The following THOC7 variants were observed in gnomAD, a reference collection of about 807,000 sequenced individuals.
The protein encoded by THOC7 is NIF3L1-binding protein 1.
THOC7 carries 22 observed loss-of-function variants against 33.1 expected under a neutral mutation model. The observed-to-expected ratio is 0.66, with a 90% CI of 0.47 to 0.95. The LOEUF (loss-of-function observed/expected upper bound fraction) is 0.95. Ranked by LOEUF, THOC7 falls within the 40% of genes least tolerant of loss-of-function variation. The pLI, the probability that THOC7 is intolerant of heterozygous loss-of-function variation, is 0.00. For missense variants in THOC7, 184 were observed against 245.3 expected (o/e 0.75, Z 1.67); for synonymous variants, 77 against 76.8 (o/e 1.00, Z -0.01).
At chr3:63,840,256 T>C (rs1701729067) in intron 1 of THOC7, among the ~76,000 whole-genome samples, 1 of 152,104 alleles carries the variant, frequency 6.6e-6, no homozygotes, top group Non-Finnish European at 1.5e-5. Flanking sequence ...ACAGGAAATA[T>C]TTAAAAGATG....
intron 1 of THOC7, among the ~76,000 whole-genome samples, chr3:63,840,559 C>A (rs1379789177): frequency 6.6e-6 from 1 of 152,082 alleles, no homozygotes; most frequent in Non-Finnish European, 1.5e-5. Flanking sequence ...CCACTGGACT[C>A]CAGCGCCTAT....
At chr3:63,861,793 GTTT>G in intron 1 of THOC7, 2 of 145,342 alleles carry the variant, frequency 1.4e-5, no homozygotes, top group East Asian at 2.0e-4. Flanking sequence ...GTGTGTGTGT[GTTT>G]TTTTTTTTTT....
At chr3:63,857,126 G>C (rs1702129680) in intron 1 of THOC7, among the ~76,000 whole-genome samples, 1 of 152,170 alleles carries the variant, frequency 6.6e-6, no homozygotes, top group Admixed American at 6.5e-5. Context: ...CAGGAGTCAG[G>C]CTCCAGAGAA....
chr3:63,846,671 A>C (rs763952802), intron 1 of THOC7, among the ~76,000 whole-genome samples: 1 of 152,058 alleles, frequency 6.6e-6, no homozygotes, highest in Non-Finnish European at 1.5e-5. Flanking sequence ...TCGGCCTCCT[A>C]AAGTGCGGGA....
chr3:63,864,189 G>T (rs1469659655), upstream of THOC7, among the ~76,000 whole-genome samples: 5 of 150,972 alleles, frequency 3.3e-5, no homozygotes, highest in Middle Eastern at 0.01. Context: ...CCAGGGCTGC[G>T]GGGGTGCGGC....
chr3:63,833,968 C>A lies in THOC7; in HGVS notation c.*164G>T, dbSNP rs970751280. 2 of 628,264 alleles carry A rather than the reference C, an allele frequency of 3.2e-6. No individual in the cohort carries two copies. The highest frequency in any genetic ancestry group is 5.2e-6 in the Non-Finnish European group (2 of 381,810). 38.9% of individuals were successfully genotyped at this position (628,264 alleles called of 1,614,324 possible). A position where few individuals can be genotyped will look rare whatever the true frequency, so the allele number is the denominator to read the frequency against. On this transcript the variant is annotated 3_prime_UTR_variant, in exon 8 of 8. Transcript: ENST00000295899. ...AATAAAAACAAATCTATACTGAAGT[C>A]ATTTTCCTTTGTGAGAGGAAATATG...
At chr3:63,848,295 A>C (rs1701945896) in intron 1 of THOC7, 1 of 152,026 alleles carries the variant, frequency 6.6e-6, no homozygotes, top group Non-Finnish European at 1.5e-5. Context: ...TGGAGGTTTC[A>C]TCTGTGTCAG....
intron 1 of THOC7, among the ~76,000 whole-genome samples, chr3:63,862,270 C>A (rs1702238900): frequency 6.6e-6 from 1 of 152,198 alleles, no homozygotes; most frequent in South Asian, 2.1e-4. Flanking sequence ...ACCCAGAACA[C>A]CAGTCCAATA....
chr3:63,853,855 C>T (rs536640347), intron 1 of THOC7, among the ~76,000 whole-genome samples: 41 of 151,550 alleles, frequency 2.7e-4, no homozygotes, highest in African/African-American at 9.7e-4. Flanking sequence ...TTGCAGTGAG[C>T]CAAGGTCGCG....
chr3:63,857,489 C>T (rs947109713), intron 1 of THOC7, among the ~76,000 whole-genome samples: 16 of 152,174 alleles, frequency 1.1e-4, no homozygotes, highest in African/African-American at 2.7e-4. Flanking sequence ...TAAGATTTAT[C>T]GTTAGACCAC....
intron 2 of THOC7, 46 bp downstream of exon 2, chr3:63,839,610 A>G (rs1208276790): frequency 2.6e-6 from 4 of 1,539,656 alleles, no homozygotes; most frequent in Non-Finnish European, 3.6e-6. Context: ...AGGGCCTAAA[A>G]TCACATTAGG....
chr3:63,846,286 C>T (rs1701893482), intron 1 of THOC7: 4 of 420,884 alleles, frequency 9.5e-6, no homozygotes, highest in South Asian at 3.4e-5. Flanking sequence ...AATCCCCAAG[C>T]GACTTGCACT....
intron 1 of THOC7, among the ~76,000 whole-genome samples, chr3:63,851,661 C>T (rs537634130): frequency 6.6e-6 from 1 of 152,296 alleles, no homozygotes; most frequent in South Asian, 2.1e-4. Context: ...CTCATGTTAA[C>T]TAATTAGTTA....
In THOC7 at chr3:63,843,107, T is replaced by C. The variant is rs557414897; in HGVS notation, c.20-3334A>G. On this transcript the variant is annotated intron_variant, in intron 1 of 7. Transcript: ENST00000295899. ...TGCCCCAACCCCTCCAAAAACCGTA[T>C]GTATATTTGTTTGTTTGTTTGTTTG... Among the ~76,000 whole-genome samples, 19 of 148,120 alleles carry C rather than the reference T, an allele frequency of 1.3e-4. 1 individual carries two copies. Among genetic ancestry groups the C allele is most frequent in the African/African-American group, 4.8e-4 (19 of 39,960 alleles).
At chr3:63,851,925 G>C (rs1702026525) in intron 1 of THOC7, among the ~76,000 whole-genome samples, 1 of 152,136 alleles carries the variant, frequency 6.6e-6, no homozygotes, top group Non-Finnish European at 1.5e-5. Flanking sequence ...TCCCACCACA[G>C]ACCCAGGCCC....
At chr3:63,852,838 C>A (rs1702042957) in intron 1 of THOC7, among the ~76,000 whole-genome samples, 1 of 152,058 alleles carries the variant, frequency 6.6e-6, no homozygotes, top group Non-Finnish European at 1.5e-5. Context: ...ATGGCCTGAA[C>A]TAAAAAGGAG....
In THOC7 at chr3:63,839,624, C is replaced by T. The variant is rs567448095; in HGVS notation, c.137+32G>A. 4.4e-6 allele frequency: 7 copies of T among 1,582,918 alleles called. No individual in the cohort carries two copies. In the Admixed American group the frequency reaches 1.2e-4, roughly 26 times the overall value. On this transcript the variant is annotated intron_variant, in intron 2 of 7. Coordinates refer to ENST00000295899, the MANE Select transcript of THOC7 (RefSeq NM_025075.4). ...TAGGGCCTAAAATCACATTAGGACA[C>T]TGGTATGGAAACAACAGTGAAAATG... is the stretch of plus-strand genomic sequence containing the variant.
chr3:63,859,559 G>A (rs571988743), intron 1 of THOC7, among the ~76,000 whole-genome samples: 31 of 152,324 alleles, frequency 2.0e-4, no homozygotes, highest in African/African-American at 7.5e-4. Context: ...AGGTATCACT[G>A]CCCTCCCCCA....
chr3:63,833,979 G>T lies in THOC7; in HGVS notation c.*153C>A. 1.5e-6 allele frequency: 1 copy of T among 671,932 alleles called. No individual in the cohort carries two copies. The highest frequency in any genetic ancestry group is 2.4e-6 in the Non-Finnish European group (1 of 418,266). 41.6% of individuals were successfully genotyped at this position (671,932 alleles called of 1,614,324 possible). ...ATCTATACTGAAGTCATTTTCCTTT[G>T]TGAGAGGAAATATGAATGAAATACA... On this transcript the variant is annotated 3_prime_UTR_variant, in exon 8 of 8. Transcript: ENST00000295899.
Sources: gnomAD v4.1 joint callset for allele counts (sites outside exome capture counted in the v4.1 genomes callset) on GRCh38, gnomAD v4.1.1 for gene constraint, MANE v1.5 for transcripts, NCBI Gene and HGNC (gene_info 2026-07-23, HGNC 2026-07-21) for gene names.